The following LRRC4C variants were observed in gnomAD, a reference collection of about 807,000 sequenced individuals.
The protein encoded by LRRC4C is leucine rich repeat containing 4C.
A neutral mutation model predicts 33.6 loss-of-function variants in LRRC4C; 5 were observed. The observed-to-expected ratio is 0.15, with a 90% CI of 0.08 to 0.31. LRRC4C has a LOEUF of 0.31. Among genes scored for constraint, LRRC4C ranks in the 10% least tolerant of loss-of-function variants. The pLI, the probability that LRRC4C is intolerant of heterozygous loss-of-function variation, is 1.00. For synonymous variants in LRRC4C, 329 were observed against 302.0 expected, an observed-to-expected ratio of 1.09 and a Z score of -0.93; for missense variants, 560 against 796.7, an observed-to-expected ratio of 0.70 and a Z score of 3.58.
chr11:40,840,867 G>A (rs990126129), intron 2 of LRRC4C, among the ~76,000 whole-genome samples: 3 of 152,036 alleles, frequency 2.0e-5, no homozygotes, highest in Non-Finnish European at 4.4e-5. Context: ...ATATGCTCTG[G>A]GAACCAAATG....
chr11:40,296,467 C>T (rs954339109), intron 4 of LRRC4C, among the ~76,000 whole-genome samples: 2 of 152,052 alleles, frequency 1.3e-5, no homozygotes, highest in Non-Finnish European at 2.9e-5. Context: ...AAAATTTGAA[C>T]CCAGATCTAC....
chr11:40,467,894 T>C (rs1952730781), intron 3 of LRRC4C, among the ~76,000 whole-genome samples: 2 of 152,146 alleles, frequency 1.3e-5, no homozygotes, highest in African/African-American at 4.8e-5. Context: ...TATTTGTTTG[T>C]TTGTTTGTTT....
chr11:40,775,855 A>G (rs1591687991), intron 2 of LRRC4C, among the ~76,000 whole-genome samples: 1 of 152,224 alleles, frequency 6.6e-6, no homozygotes. Context: ...TCTTGTACCC[A>G]TTCTTAAGGG....
chr11:40,409,036 C>T (rs942642276), intron 3 of LRRC4C, among the ~76,000 whole-genome samples: 1 of 151,928 alleles, frequency 6.6e-6, no homozygotes, highest in African/African-American at 2.4e-5. Context: ...ATCGAAACAG[C>T]TCTGGCATAA....
At chr11:40,541,622 C>T (rs1358789596) in intron 3 of LRRC4C, among the ~76,000 whole-genome samples, 3 of 152,086 alleles carry the variant, frequency 2.0e-5, no homozygotes, top group Admixed American at 1.3e-4. Flanking sequence ...AGTTGCATCC[C>T]TAGACTGTAT....
intron 1 of LRRC4C, among the ~76,000 whole-genome samples, chr11:40,955,105 A>G (rs1282149857): frequency 6.6e-6 from 1 of 151,854 alleles, no homozygotes; most frequent in Non-Finnish European, 1.5e-5. Context: ...CAGTGAAGTT[A>G]TATCAGAAGT....
intron 2 of LRRC4C, among the ~76,000 whole-genome samples, chr11:40,783,418 C>A (rs540898008): frequency 6.6e-6 from 1 of 152,156 alleles, no homozygotes; most frequent in South Asian, 2.1e-4. Flanking sequence ...GCCTCAGCAT[C>A]CCGAGTAGCT....
intron 1 of LRRC4C, among the ~76,000 whole-genome samples, chr11:41,037,011 G>C (rs1317287853): frequency 1.0e-5 from 1 of 98,164 alleles, no homozygotes; most frequent in African/African-American, 3.5e-5. Context: ...AAATAACCTG[G>C]AGTGGTACCC....
chr11:41,208,892 C>G (rs1317465891), intron 1 of LRRC4C, among the ~76,000 whole-genome samples: 1 of 152,026 alleles, frequency 6.6e-6, no homozygotes, highest in African/African-American at 2.4e-5. Context: ...GGTAGGGCAC[C>G]CCACAGAACT....
chr11:41,402,966 C>T (rs966113074), intron 1 of LRRC4C, among the ~76,000 whole-genome samples: 11 of 151,972 alleles, frequency 7.2e-5, no homozygotes, highest in Non-Finnish European at 1.6e-4. Context: ...ATGTTCACGC[C>T]GTAAATCAAA....
chr11:40,787,920 T>C (rs1360136521), intron 2 of LRRC4C, among the ~76,000 whole-genome samples: 1 of 152,108 alleles, frequency 6.6e-6, no homozygotes, highest in Non-Finnish European at 1.5e-5. Flanking sequence ...ACTCTTCCCA[T>C]GGAGAAAAAA....
intron 1 of LRRC4C, among the ~76,000 whole-genome samples, chr11:41,100,441 C>A (rs1941100939): frequency 1.3e-5 from 2 of 152,114 alleles, no homozygotes; most frequent in East Asian, 1.9e-4. Context: ...GTGGCAGGTG[C>A]CTGTAATCCC....
chr11:40,410,683 A>T (rs1335998127), intron 3 of LRRC4C, among the ~76,000 whole-genome samples: 1 of 152,102 alleles, frequency 6.6e-6, no homozygotes, highest in Non-Finnish European at 1.5e-5. Context: ...ATCATTGCTC[A>T]TCACCATACT....
intron 3 of LRRC4C, among the ~76,000 whole-genome samples, chr11:40,399,218 A>G (rs1477063186): frequency 6.6e-6 from 1 of 152,150 alleles, no homozygotes; most frequent in Non-Finnish European, 1.5e-5. Context: ...ATGCTGCTAT[A>G]AAGACACATG....
At chr11:41,286,885 G>T (rs973663411) in intron 1 of LRRC4C, among the ~76,000 whole-genome samples, 3 of 152,150 alleles carry the variant, frequency 2.0e-5, no homozygotes, top group Admixed American at 6.5e-5. Context: ...TTAGGAAAGG[G>T]TTCTTTTCCT....
intron 2 of LRRC4C, among the ~76,000 whole-genome samples, chr11:40,703,223 T>C (rs1436164478): frequency 6.6e-6 from 1 of 151,892 alleles, no homozygotes; most frequent in East Asian, 1.9e-4. Flanking sequence ...AGACAGGCCC[T>C]CACAAAAAAA....
intron 1 of LRRC4C, among the ~76,000 whole-genome samples, chr11:41,321,548 T>TATA (rs1208399212): frequency 2.6e-5 from 4 of 152,152 alleles, no homozygotes; most frequent in East Asian, 1.9e-4. Flanking sequence ...CCCTTGGGTA[T>TATA]ATAATAATAA....
chr11:40,526,953 C>T (rs1243349677), intron 3 of LRRC4C, among the ~76,000 whole-genome samples: 2 of 152,264 alleles, frequency 1.3e-5, no homozygotes, highest in South Asian at 4.1e-4. Context: ...TCTACTCATA[C>T]ATAGCCACTG....
At position 40,619,374 on chromosome 11, in the gene LRRC4C, C is replaced by T. The variant is rs558435800; in HGVS notation, c.-270+28768G>A. On this transcript the variant is annotated intron_variant, in intron 3 of 6. Coordinates refer to ENST00000528697, the MANE Select transcript of LRRC4C (RefSeq NM_001258419.2). ...TGATGAAGAATGTTCATACTTATTT[C>T]ACATTGCATGCCTGTACCAAAACAT... Among the ~76,000 whole-genome samples the T allele has an allele frequency of 4.6e-5, 7 of 151,798 alleles. No homozygotes were observed. The South Asian group carries it at 1.5e-3, about 31-fold the overall frequency.
Sources: allele counts gnomAD v4.1 joint callset (sites outside exome capture counted in the v4.1 genomes callset), GRCh38; gene constraint gnomAD v4.1.1; transcripts MANE v1.5; gene names NCBI Gene and HGNC (gene_info 2026-07-23, HGNC 2026-07-21).